The following TEX10 variants were observed in gnomAD, a reference collection of about 807,000 sequenced individuals.
The protein encoded by TEX10 is testis expressed 10, also known as testis-expressed protein 10.
Under a neutral mutation model 104.4 loss-of-function variants are expected in TEX10, and 24 were observed. That is an observed-to-expected ratio of 0.23 (90% CI 0.17 to 0.32). The LOEUF is 0.32. Ranked by LOEUF, TEX10 falls within the 10% of genes least tolerant of loss-of-function variation. The pLI, the probability that TEX10 is intolerant of heterozygous loss-of-function variation, is 1.00. For synonymous variants in TEX10, 396 were observed against 393.4 expected, an observed-to-expected ratio of 1.01 and a Z score of -0.08; for missense variants, 921 against 1,083.9, an observed-to-expected ratio of 0.85 and a Z score of 2.11.
chr9:100,309,489 C>T (rs1305154399), intron 12 of TEX10, among the ~76,000 whole-genome samples: 4 of 151,860 alleles, frequency 2.6e-5, no homozygotes, highest in South Asian at 2.1e-4. Flanking sequence ...ATGTAGTCAA[C>T]GGAGAGTCTA....
chr9:100,304,533 A>G (rs1834096376), intron 13 of TEX10: 1 of 152,256 alleles, frequency 6.6e-6, no homozygotes, highest in Admixed American at 6.5e-5. Flanking sequence ...TTTGTAGAAG[A>G]ATAAAAATGG....
At chr9:100,337,272 A>G (rs955544820) in intron 5 of TEX10, among the ~76,000 whole-genome samples, 132 of 152,354 alleles carry the variant, frequency 8.7e-4, no homozygotes, top group African/African-American at 3.1e-3. Flanking sequence ...TGCCTTGCAC[A>G]TAAGAGTCCA....
chr9:100,319,505 G>A (rs1293095344), intron 11 of TEX10, among the ~76,000 whole-genome samples: 1 of 152,028 alleles, frequency 6.6e-6, no homozygotes, highest in Non-Finnish European at 1.5e-5. Context: ...TACATTTACT[G>A]AAAAAATAAG....
rs1370998617 is a variant in TEX10, at chr9:100,309,795, GGT to G, written c.2283+502_2283+503del. ...GGAGAAAGTTAAAAGCAACTACAGA[GGT>G]ATATCTAATGTGAATTTAATACCAA... On this transcript the variant is annotated intron_variant, in intron 12 of 14. Transcript: ENST00000374902. 2.0e-5 allele frequency among the ~76,000 whole-genome samples: 3 copies of G among 152,174 alleles called. No individual in the cohort carries two copies. In the East Asian group the frequency reaches 5.8e-4, roughly 29 times the overall value.
intron 13 of TEX10, chr9:100,305,430 TAGCTAATGCA>T (rs776718646): frequency 1.1e-4 from 17 of 152,216 alleles, no homozygotes; most frequent in Non-Finnish European, 2.4e-4. Flanking sequence ...ACTGCAGACA[TAGCTAATGCA>T]AAGGCACGGA....
In TEX10 at chr9:100,346,784, T is replaced by C; in HGVS notation, c.803A>G (p.Asn268Ser). 6.2e-7 allele frequency: 1 copy of C among 1,614,192 alleles called. No homozygotes were observed. The highest frequency in any genetic ancestry group is 8.5e-7 in the Non-Finnish European group (1 of 1,180,022). Residue 268 changes from asparagine (N) to serine (S), a missense_variant, in exon 3 of 15, where the codon AAC (asparagine) becomes AGC (serine). Physicochemically the swap from Asn to Ser is conservative, Grantham distance 46. Around this residue, in one of 3 missense-constraint regions of TEX10, gnomAD observed 753 missense variants for 868.4 expected, o/e 0.87. Transcript: ENST00000374902. ...CTGGTCGTTGGCATGTTCCTTCCAGTTGATAAAAATGGAGTTGCTAGTGGC... is the reference window on the plus strand; with the variant it reads ...CTGGTCGTTGGCATGTTCCTTCCAGCTGATAAAAATGGAGTTGCTAGTGGC... ...PHATSNSIFI[N>S]WKEHANDQQH... is the part of the protein sequence containing the mutation.
intron 14 of TEX10, 97 bp from the exon 15 acceptor site, chr9:100,302,401 G>T: frequency 1.3e-6 from 1 of 768,014 alleles, no homozygotes; most frequent in African/African-American, 1.7e-5. Flanking sequence ...CCAGAGCTTT[G>T]GCAACTGTAT....
At chr9:100,316,537 G>T (rs1834422346) in intron 11 of TEX10, among the ~76,000 whole-genome samples, 1 of 151,916 alleles carries the variant, frequency 6.6e-6, no homozygotes, top group Non-Finnish European at 1.5e-5. Context: ...GAGCAATCAG[G>T]CAAGAGAAAA....
chr9:100,304,070 T>C (rs1394791921), intron 13 of TEX10: 2 of 562,210 alleles, frequency 3.6e-6, no homozygotes, highest in Non-Finnish European at 6.4e-6. Context: ...CAAGAAAAAC[T>C]ACAGAACACT....
In TEX10 at chr9:100,311,264, A is replaced by G. The variant is rs114896226; in HGVS notation, c.2203-885T>C. ...AAAAAAGTTGGCCAGATGTGGTAGC[A>G]CATGCTTGTGGTACCAGCTACTCAG... On this transcript the variant is annotated intron_variant, in intron 11 of 14. Coordinates refer to ENST00000374902, the MANE Select transcript of TEX10 (RefSeq NM_017746.4). Among the ~76,000 whole-genome samples the G allele has an allele frequency of 3.5e-3, 529 of 152,090 alleles. 2 individuals are homozygous for G. The highest frequency in any genetic ancestry group is 0.012 in the African/African-American group (516 of 41,516).
At chr9:100,344,919 A>C (rs1835265029) in intron 4 of TEX10, among the ~76,000 whole-genome samples, 1 of 152,200 alleles carries the variant, frequency 6.6e-6, no homozygotes, top group African/African-American at 2.4e-5. Flanking sequence ...TTTATAGGAC[A>C]TCTTAAGGAC....
At chr9:100,318,936 A>G (rs1172868001) in intron 11 of TEX10, among the ~76,000 whole-genome samples, 4 of 152,214 alleles carry the variant, frequency 2.6e-5, no homozygotes, top group Non-Finnish European at 5.9e-5. Flanking sequence ...TCACACCTGT[A>G]ATCTCAGCAC....
intron 5 of TEX10, among the ~76,000 whole-genome samples, chr9:100,331,457 T>C (rs1433706153): frequency 1.3e-5 from 2 of 151,968 alleles, no homozygotes; most frequent in South Asian, 2.1e-4. Context: ...AAAAGAAACA[T>C]GTAAATTTGA....
rs757105715 is a variant in TEX10 at position 100,346,706 on chromosome 9, T to C, written c.881A>G (p.Gln294Arg). The C allele has an allele frequency of 6.2e-7, 1 of 1,611,980 alleles. No individual in the cohort carries two copies. Among genetic ancestry groups the C allele is most frequent in the South Asian group, 1.1e-5 (1 of 90,702 alleles). ...NGGSQPNVSS[Q>R]FRLRYLVGGL... ...AAATCCTTCTTACCGTAGCCTGAAC[T>C]GTGAACTGACATTTGGCTGTGAACC... Residue 294 changes from glutamine to arginine, a missense_variant, in exon 3 of 15, where the codon CAG becomes CGG. Coordinates refer to ENST00000374902, the MANE Select transcript of TEX10 (RefSeq NM_017746.4).
chr9:100,302,243 A>G lies in TEX10; in HGVS notation c.2738T>C (p.Val913Ala), dbSNP rs745693527. 2.5e-6 allele frequency: 4 copies of G among 1,613,530 alleles called. No homozygotes were observed. The highest frequency in any genetic ancestry group is 2.7e-5 in the African/African-American group (2 of 75,036). The change falls in exon 15 of 15, where the codon GTG becomes GCG. Residue 913 changes from valine (V) to alanine (A), a missense_variant. Physicochemically the swap from Val to Ala is moderately conservative, Grantham distance 64. Coordinates refer to ENST00000374902, the MANE Select transcript of TEX10 (RefSeq NM_017746.4). ...CCCTTGGGGATGCCCAGTGATATAC[A>G]CGTTGAAGCAGTAATGTAAGTCTGT... ...WLTDLHYCFN[V>A]YITGHPQGPS...
Position 100,329,205 on chromosome 9 carries a change from C to T in TEX10, c.1560G>A (p.Arg520=). ...TACTGAAAAACTTCAATAACAAAGTCCGAACTGGAAGGATAAGGCCCCTCT... is the reference window on the plus strand; with the variant it reads ...TACTGAAAAACTTCAATAACAAAGTTCGAACTGGAAGGATAAGGCCCCTCT... ...YQQRGLILPV[R]TLLLKFFSKI... The change falls in exon 7 of 15, where the codon CGG becomes CGA. Residue 520 remains arginine, a synonymous_variant. Coordinates refer to ENST00000374902, the MANE Select transcript of TEX10 (RefSeq NM_017746.4). 1.2e-6 allele frequency: 2 copies of T among 1,612,752 alleles called. No individual in the cohort carries two copies. The highest frequency in any genetic ancestry group is 1.7e-6 in the Non-Finnish European group (2 of 1,179,560).
chr9:100,351,882 A>T (rs955284095), intron 1 of TEX10, among the ~76,000 whole-genome samples: 2 of 152,332 alleles, frequency 1.3e-5, no homozygotes, highest in Admixed American at 1.3e-4. Context: ...AAGTCCCACT[A>T]AGCCACTTTT....
In TEX10 at chr9:100,302,930, C is replaced by CT. The variant is rs899070293; in HGVS notation, c.2677-627_2677-626insA. Among the ~76,000 whole-genome samples, 10 of 142,386 alleles carry CT rather than the reference C, an allele frequency of 7.0e-5. No homozygotes were observed. In the East Asian group the frequency reaches 2.1e-3, roughly 30 times the overall value. The allele number at this position is 142,386 out of a possible 152,430, so 93.4% of individuals were successfully genotyped here. ...CTATACAAGACACTTTTTTAACCGC[C>CT]CCCCCCCCAAACTAAAATCACCAAA... On this transcript the variant is annotated intron_variant, in intron 14 of 14. Transcript: ENST00000374902.
chr9:100,324,921 A>G (rs1457043739), intron 9 of TEX10, among the ~76,000 whole-genome samples: 1 of 152,202 alleles, frequency 6.6e-6, no homozygotes, highest in East Asian at 1.9e-4. Context: ...TTTAATATCT[A>G]AAAAGAAAAA....
Sources: allele counts gnomAD v4.1 joint callset (sites outside exome capture counted in the v4.1 genomes callset), GRCh38; gene constraint gnomAD v4.1.1; regional missense constraint gnomAD v4.1.1; transcripts MANE v1.5; gene names NCBI Gene and HGNC (gene_info 2026-07-23, HGNC 2026-07-21).